Variants in CNN2 observed in about 807,000 individuals in gnomAD.
The protein encoded by CNN2 is calponin 2.
Under a neutral mutation model 31.0 loss-of-function variants are expected in CNN2, and 21 were observed. The observed-to-expected ratio is 0.68, with a 90% CI of 0.48 to 0.98. The LOEUF (loss-of-function observed/expected upper bound fraction) is 0.98, where lower values mean the gene tolerates loss of function less well. Ranked by LOEUF, CNN2 falls within the 50% of genes least tolerant of loss-of-function variation. The pLI, the probability that CNN2 is intolerant of heterozygous loss-of-function variation, is 0.00. For synonymous variants in CNN2, 165 were observed against 179.6 expected (o/e 0.92, Z 0.65); for missense variants, 399 against 427.3 (o/e 0.93, Z 0.58).
chr19:1,030,791 C>G (rs1432752553), intron 1 of CNN2, among the ~76,000 whole-genome samples: 2 of 152,104 alleles, frequency 1.3e-5, no homozygotes, highest in Non-Finnish European at 2.9e-5. Flanking sequence ...CAGGTTTGTC[C>G]TGCACCGGGA....
chr19:1,028,503 C>A (rs2039435005), intron 1 of CNN2, among the ~76,000 whole-genome samples: 1 of 152,196 alleles, frequency 6.6e-6, no homozygotes, highest in African/African-American at 2.4e-5. Flanking sequence ...CCCCGCCCCG[C>A]TTCCCCGTGG....
intron 6 of CNN2, 38 bp from the exon 7 acceptor site, chr19:1,037,587 C>G (rs549361826): frequency 1.3e-6 from 2 of 1,595,314 alleles, no homozygotes; most frequent in East Asian, 2.2e-5. Context: ...CCCCTCTTCT[C>G]TCCACCATGA....
chr19:1,033,669 A>G (rs1320119008), intron 4 of CNN2, among the ~76,000 whole-genome samples: 3 of 134,466 alleles, frequency 2.2e-5, no homozygotes, highest in African/African-American at 5.6e-5. Context: ...TCTGGTGTAG[A>G]CCGGGAGCGT....
rs753259750 is a variant in CNN2, at chr19:1,036,432, G to T, written c.524G>T (p.Cys175Phe). 1 of 1,613,632 alleles carries T rather than the reference G, an allele frequency of 6.2e-7. No individual in the cohort carries two copies. The highest frequency in any genetic ancestry group is 8.5e-7 in the Non-Finnish European group (1 of 1,179,712). The change falls in exon 6 of 7, where the codon TGC becomes TTC. Residue 175 changes from cysteine (C) to phenylalanine (F), a missense_variant. Transcript: ENST00000263097. ...VIGLQMGTNKCASQSGMTAYG... is the reference protein window; with the variant it reads ...VIGLQMGTNKFASQSGMTAYG... ...TCCCTGCAGATGGGCACCAACAAAT[G>T]CGCCAGCCAGTCGGGCATGACTGCC...
chr19:1,033,607 C>T (rs956487474), intron 4 of CNN2, among the ~76,000 whole-genome samples: 6 of 152,058 alleles, frequency 3.9e-5, no homozygotes, highest in South Asian at 4.2e-4. Flanking sequence ...AAACCCAGAC[C>T]GGGAGCGTGG....
intron 4 of CNN2, chr19:1,035,917 A>C: frequency 1.9e-4 from 96 of 517,946 alleles, no homozygotes; most frequent in East Asian, 2.6e-4. Context: ...GCCAGACTCC[A>C]TCTCAAAAAT....
intron 2 of CNN2, 63 bp from the exon 3 acceptor site, chr19:1,032,329 C>T (rs917953352): frequency 1.6e-4 from 262 of 1,599,496 alleles, no homozygotes; most frequent in Non-Finnish European, 2.1e-4. Flanking sequence ...AGCATCGGGT[C>T]TTCACGGTTC....
At chr19:1,028,365 G>A (rs1242218637) in intron 1 of CNN2, among the ~76,000 whole-genome samples, 3 of 152,278 alleles carry the variant, frequency 2.0e-5, no homozygotes, top group Middle Eastern at 3.4e-3. Context: ...TCCGTTTGGA[G>A]GGTGGGCGAG....
At chr19:1,030,111 C>G (rs932913191) in intron 1 of CNN2, among the ~76,000 whole-genome samples, 1 of 152,190 alleles carries the variant, frequency 6.6e-6, no homozygotes, top group African/African-American at 2.4e-5. Flanking sequence ...GCTGTCTCCG[C>G]GGTCACTAGT....
At chr19:1,035,412 T>C (rs2039565183) in intron 4 of CNN2, among the ~76,000 whole-genome samples, 1 of 152,112 alleles carries the variant, frequency 6.6e-6, no homozygotes, top group South Asian at 2.1e-4. Context: ...TGGCTCCCAG[T>C]AACCTCACGT....
intron 4 of CNN2, among the ~76,000 whole-genome samples, chr19:1,035,751 G>A (rs760309476): frequency 4.6e-5 from 7 of 152,058 alleles, no homozygotes; most frequent in Non-Finnish European, 5.9e-5. Flanking sequence ...GTGAAACCCC[G>A]TCTCTACTAA....
intron 6 of CNN2, 189 bp downstream of exon 6, chr19:1,036,751 G>T: frequency 2.8e-6 from 2 of 706,358 alleles, no homozygotes; most frequent in Non-Finnish European, 4.9e-6. Flanking sequence ...ATTTCCACCT[G>T]GCTGTGGGTC....
At chr19:1,035,961 T>C in intron 4 of CNN2, 169 bp from the exon 5 acceptor site, 1 of 941,922 alleles carries the variant, frequency 1.1e-6, no homozygotes, top group African/African-American at 1.7e-5. Flanking sequence ...GTATGATGGG[T>C]GTGTGGAGTG....
At chr19:1,026,886 C>T (rs748062864) in intron 1 of CNN2, 162 bp downstream of exon 1, 5 of 651,280 alleles carry the variant, frequency 7.7e-6, no homozygotes, top group Non-Finnish European at 1.3e-5. Flanking sequence ...GGGATGTCTG[C>T]GGGCACCCCC....
intron 6 of CNN2, 108 bp from the exon 7 acceptor site, chr19:1,037,517 C>G: frequency 7.2e-7 from 1 of 1,388,442 alleles, no homozygotes; most frequent in Non-Finnish European, 9.9e-7. Context: ...GGTGATCCTC[C>G]CACCTTGGCC....
rs1448547876 is a variant in CNN2, at chr19:1,037,851, G to A, written c.881G>A (p.Gly294Glu). ...GGCACCGGCGACTGCCCGGACCCGG[G>A]GGAGGTCCCTGAATATCCCCCTTAC... ...PSGTGDCPDP[G>E]EVPEYPPYYQ... is the part of the protein sequence containing the mutation. Residue 294 changes from glycine to glutamate, a missense_variant, in exon 7 of 7, where the codon GGG becomes GAG. Coordinates refer to ENST00000263097, the MANE Select transcript of CNN2 (RefSeq NM_004368.4). The A allele has an allele frequency of 3.1e-6, 5 of 1,604,276 alleles. No individual in the cohort carries two copies. Among genetic ancestry groups the A allele is most frequent in the Non-Finnish European group, 4.3e-6 (5 of 1,174,360 alleles).
chr19:1,035,657 T>C (rs1460353997), intron 4 of CNN2, among the ~76,000 whole-genome samples: 7 of 152,160 alleles, frequency 4.6e-5, no homozygotes, highest in South Asian at 4.1e-4. Context: ...GCGCGGTGGC[T>C]CACGCCTGTA....
chr19:1,036,081 G>C (rs1387564172), intron 4 of CNN2, 49 bp from the exon 5 acceptor site: 2 of 1,541,902 alleles, frequency 1.3e-6, no homozygotes, highest in Non-Finnish European at 1.7e-6. Context: ...TAGATCTAGG[G>C]TCCCTGGCTG....
intron 4 of CNN2, among the ~76,000 whole-genome samples, chr19:1,035,693 C>A (rs995180991): frequency 6.6e-6 from 1 of 152,134 alleles, no homozygotes; most frequent in South Asian, 2.1e-4. Flanking sequence ...GAGGTTGAGG[C>A]GGGTGGATAA....
Sources: gnomAD v4.1 joint callset for allele counts (sites outside exome capture counted in the v4.1 genomes callset) on GRCh38, gnomAD v4.1.1 for gene constraint, MANE v1.5 for transcripts, NCBI Gene and HGNC (gene_info 2026-07-23, HGNC 2026-07-21) for gene names.